The following GRAMD1C variants were observed in gnomAD, a reference collection of about 807,000 sequenced individuals.
GRAMD1C encodes protein Aster-C.
Under a neutral mutation model 97.8 loss-of-function variants are expected in GRAMD1C, and 89 were observed. That is an observed-to-expected ratio of 0.91 (90% confidence interval 0.77 to 1.09). The LOEUF (loss-of-function observed/expected upper bound fraction) is 1.09. Among genes scored for constraint, GRAMD1C ranks in the 50% least tolerant of loss-of-function variants. GRAMD1C has a pLI of 0.00. For synonymous variants in GRAMD1C, 256 were observed against 267.0 expected, an observed-to-expected ratio of 0.96 and a Z score of 0.40; for missense variants, 740 against 766.4, an observed-to-expected ratio of 0.97 and a Z score of 0.41.
chr3:113,852,497 G>A (rs1384451013), intron 2 of GRAMD1C, among the ~76,000 whole-genome samples: 1 of 152,132 alleles, frequency 6.6e-6, no homozygotes, highest in African/African-American at 2.4e-5. Context: ...AGAAGGGGAC[G>A]ATTTAAATGC....
chr3:113,907,372 T>G (rs1936408008), intron 8 of GRAMD1C, among the ~76,000 whole-genome samples: 1 of 152,232 alleles, frequency 6.6e-6, no homozygotes, highest in Non-Finnish European at 1.5e-5. Context: ...CAAAACTTAT[T>G]CATCTAGAGA....
intron 14 of GRAMD1C, 182 bp downstream of exon 14, chr3:113,936,624 C>G (rs1217650642): frequency 2.2e-6 from 1 of 451,010 alleles, no homozygotes; most frequent in Non-Finnish European, 3.9e-6. Context: ...GGAGCAGTTG[C>G]AAAATGGCAA....
chr3:113,931,333 A>G (rs941289283), intron 11 of GRAMD1C, among the ~76,000 whole-genome samples: 2 of 150,740 alleles, frequency 1.3e-5, no homozygotes, highest in African/African-American at 4.9e-5. Flanking sequence ...GGGTCATTAT[A>G]CTTCATTTCT....
intron 6 of GRAMD1C, among the ~76,000 whole-genome samples, chr3:113,886,943 A>C (rs1182226196): frequency 6.6e-6 from 1 of 151,504 alleles, no homozygotes; most frequent in South Asian, 2.1e-4. Context: ...CACCACGCCC[A>C]GCTAATTTTT....
intron 6 of GRAMD1C, among the ~76,000 whole-genome samples, chr3:113,891,943 CTAAG>C (rs1278134038): frequency 6.6e-6 from 1 of 151,506 alleles, no homozygotes; most frequent in Non-Finnish European, 1.5e-5. Context: ...ATTATGGAAT[CTAAG>C]TATGTGTTAC....
chr3:113,929,029 T>C (rs1371471938), intron 10 of GRAMD1C, among the ~76,000 whole-genome samples: 1 of 152,228 alleles, frequency 6.6e-6, no homozygotes, highest in East Asian at 1.9e-4. Context: ...CAATCTTTAC[T>C]TTTTTGAAGA....
At chr3:113,923,066 G>A (rs551144713) in intron 10 of GRAMD1C, among the ~76,000 whole-genome samples, 7 of 151,788 alleles carry the variant, frequency 4.6e-5, no homozygotes, top group African/African-American at 1.7e-4. Flanking sequence ...TCTCGACTTG[G>A]CACTCAGCTT....
chr3:113,928,218 T>C (rs892862352), intron 10 of GRAMD1C, among the ~76,000 whole-genome samples: 2 of 152,192 alleles, frequency 1.3e-5, no homozygotes, highest in African/African-American at 4.8e-5. Context: ...GTTTCTTAGA[T>C]GATCAGCTAG....
chr3:113,897,682 T>C (rs1250883664), intron 6 of GRAMD1C: 3 of 981,662 alleles, frequency 3.1e-6, no homozygotes, highest in Admixed American at 6.2e-5. Flanking sequence ...GCAACATACT[T>C]AGAATACACA....
At chr3:113,838,021 G>A (rs146306557), upstream of GRAMD1C, among the ~76,000 whole-genome samples, 336 of 152,340 alleles carry the variant, frequency 2.2e-3, no homozygotes, top group African/African-American at 7.2e-3. Context: ...AGTAGCAGGT[G>A]TCCGAGGCAA....
intron 17 of GRAMD1C, 86 bp from the exon 18 acceptor site, chr3:113,945,312 A>G: frequency 1.3e-6 from 1 of 757,348 alleles, no homozygotes; most frequent in Admixed American, 2.2e-5. Flanking sequence ...ATTAAGTGTC[A>G]CTGTAAATTT....
intron 2 of GRAMD1C, among the ~76,000 whole-genome samples, chr3:113,867,966 T>G (rs1448970856): frequency 6.6e-6 from 1 of 152,214 alleles, no homozygotes; most frequent in African/African-American, 2.4e-5. Context: ...GTCTGTTCAT[T>G]TTCTTAAGTC....
chr3:113,867,756 A>G (rs187378607), intron 2 of GRAMD1C, among the ~76,000 whole-genome samples: 3 of 152,074 alleles, frequency 2.0e-5, no homozygotes, highest in Non-Finnish European at 4.4e-5. Flanking sequence ...AGTTTGAGTC[A>G]TGTCTTAGCA....
intron 5 of GRAMD1C, among the ~76,000 whole-genome samples, chr3:113,877,815 A>G (rs1935103166): frequency 6.7e-6 from 1 of 148,380 alleles, no homozygotes; most frequent in Non-Finnish European, 1.5e-5. Flanking sequence ...TTTTGTTTTT[A>G]TTGCCCAGGC....
chr3:113,861,158 A>T (rs1380941746), intron 2 of GRAMD1C, among the ~76,000 whole-genome samples: 1 of 152,112 alleles, frequency 6.6e-6, no homozygotes, highest in African/African-American at 2.4e-5. Context: ...ATGAATTTGG[A>T]CCCTTACTTC....
Position 113,945,577 on chromosome 3 carries a change from T to C in GRAMD1C, c.*99T>C. 1.5e-6 allele frequency: 1 copy of C among 667,914 alleles called. No individual in the cohort carries two copies. Among genetic ancestry groups the C allele is most frequent in the East Asian group, 2.7e-5 (1 of 37,370 alleles). The allele number at this position is 667,914 out of a possible 1,614,324, so 41.4% of individuals were successfully genotyped here. On this transcript the variant is annotated 3_prime_UTR_variant, in exon 18 of 18. Coordinates refer to ENST00000358160, the MANE Select transcript of GRAMD1C (RefSeq NM_017577.5). The stretch of plus-strand genomic sequence containing the variant: ...AGGATTTTGGCATAGAACATTTCTA[T>C]GTTTTTTCATTATTGAGATTTCTAA...
chr3:113,854,442 A>G (rs1934039550), intron 2 of GRAMD1C, among the ~76,000 whole-genome samples: 1 of 152,180 alleles, frequency 6.6e-6, no homozygotes, highest in Non-Finnish European at 1.5e-5. Context: ...AATCTTAAAA[A>G]GCGTGGTGTC....
At chr3:113,848,631 C>G (rs1290359283) in intron 2 of GRAMD1C, among the ~76,000 whole-genome samples, 1 of 151,780 alleles carries the variant, frequency 6.6e-6, no homozygotes, top group Non-Finnish European at 1.5e-5. Flanking sequence ...ATAGTAAGAC[C>G]CCCATCTCAA....
intron 2 of GRAMD1C, among the ~76,000 whole-genome samples, chr3:113,868,452 G>T (rs913641788): frequency 6.6e-6 from 1 of 152,110 alleles, no homozygotes; most frequent in African/African-American, 2.4e-5. Flanking sequence ...CCCATGGGTT[G>T]TCATTGCTGA....
Sources: allele counts gnomAD v4.1 joint callset (sites outside exome capture counted in the v4.1 genomes callset), GRCh38; gene constraint gnomAD v4.1.1; transcripts MANE v1.5; gene names NCBI Gene and HGNC (gene_info 2026-07-23, HGNC 2026-07-21).